The following RBM4 variants were observed in gnomAD, a reference collection of about 807,000 sequenced individuals.
The protein encoded by RBM4 is RNA-binding protein 4.
In RBM4, 7 loss-of-function variants were observed where a neutral mutation model predicts 29.5. That is an observed-to-expected ratio of 0.24 (90% CI 0.14 to 0.45). The LOEUF is 0.45. Ranked by LOEUF, RBM4 falls within the 20% of genes least tolerant of loss-of-function variation. The pLI is 1.00. For missense variants in RBM4, 387 were observed against 502.3 expected (o/e 0.77, Z 2.19); for synonymous variants, 220 against 205.4 (o/e 1.07, Z -0.61).
intron 1 of RBM4, 198 bp from the exon 2 acceptor site, chr11:66,639,502 C>T (rs552916616): frequency 4.4e-6 from 3 of 688,604 alleles, no homozygotes; most frequent in African/African-American, 3.6e-5. Flanking sequence ...CAGACGTCTT[C>T]TTATTCTTAC....
chr11:66,653,839 A>C (rs1030712094), intron 2 of RBM4, among the ~76,000 whole-genome samples: 2 of 146,992 alleles, frequency 1.4e-5, no homozygotes, highest in African/African-American at 5.1e-5. Flanking sequence ...TCTGAGACAG[A>C]GTCCTGCTCT....
At chr11:66,652,436 C>T (rs934103899) in intron 2 of RBM4, 1 of 152,162 alleles carries the variant, frequency 6.6e-6, no homozygotes, top group African/African-American at 2.4e-5. Context: ...TTATGAACAT[C>T]TTATTCAGAA....
intron 2 of RBM4, among the ~76,000 whole-genome samples, chr11:66,653,771 G>T (rs987307683): frequency 6.6e-6 from 1 of 151,600 alleles, no homozygotes; most frequent in Non-Finnish European, 1.5e-5. Flanking sequence ...CTAAGTTTTG[G>T]GAAGTCAAAA....
chr11:66,639,644 T>G, intron 1 of RBM4, 56 bp from the exon 2 acceptor site: 1 of 1,568,304 alleles, frequency 6.4e-7, no homozygotes, highest in African/African-American at 1.4e-5. Flanking sequence ...CGTTGTCTTT[T>G]GTGAACGGAT....
chr11:66,654,894 G>A (rs1022422779), intron 2 of RBM4, among the ~76,000 whole-genome samples: 2 of 151,538 alleles, frequency 1.3e-5, no homozygotes, highest in South Asian at 2.1e-4. Flanking sequence ...GCGCCATTTC[G>A]GCTCACTACA....
In RBM4 at chr11:66,646,270, G is replaced by GC; in HGVS notation, c.*253dup. On this transcript the variant is annotated 3_prime_UTR_variant, in exon 4 of 4. Coordinates refer to ENST00000310092, the MANE Select transcript of RBM4 (RefSeq NM_002896.4). ...TTCCCATTCATGTTCTCTTCTCCCAGCAGGCCTCATTGTGTGCAGAAACTG... is the reference window on the plus strand; with the variant it reads ...TTCCCATTCATGTTCTCTTCTCCCAGCCAGGCCTCATTGTGTGCAGAAACTG... 1 of 1,402,858 alleles carries GC rather than the reference G, an allele frequency of 7.1e-7. No individual in the cohort carries two copies. Among genetic ancestry groups the GC allele is most frequent in the South Asian group, 1.6e-5 (1 of 64,228 alleles). The allele number at this position is 1,402,858 out of a possible 1,614,324, so 86.9% of individuals were successfully genotyped here.
In RBM4 at chr11:66,646,191, C is replaced by G; in HGVS notation, c.*173C>G. The stretch of plus-strand genomic sequence containing the variant: ...TTCAGACCTTCTCTTCCTTTCCTTT[C>G]CTTTCCTCTCCTGCCCATTTTCCTG... On this transcript the variant is annotated 3_prime_UTR_variant, in exon 4 of 4. Coordinates refer to ENST00000310092, the MANE Select transcript of RBM4 (RefSeq NM_002896.4). 1.4e-6 allele frequency: 2 copies of G among 1,476,288 alleles called. No homozygotes were observed. The highest frequency in any genetic ancestry group is 1.8e-6 in the Non-Finnish European group (2 of 1,115,024). 91.4% of individuals were successfully genotyped at this position (1,476,288 alleles called of 1,614,324 possible).
chr11:66,668,309 T>G (rs1252894549), exon 3 of RBM4: 4 of 285,408 alleles, frequency 1.4e-5, no homozygotes, highest in Non-Finnish European at 2.0e-5. Flanking sequence ...ATAACAAATG[T>G]TAGATCTCTC....
Position 66,646,299 on chromosome 11 carries a change from TG to T in RBM4, c.*286del. 7.3e-7 allele frequency: 1 copy of T among 1,363,586 alleles called. No individual in the cohort carries two copies. Among genetic ancestry groups the T allele is most frequent in the Admixed American group, 3.1e-5 (1 of 32,524 alleles). The allele number at this position is 1,363,586 out of a possible 1,614,324, so 84.5% of individuals were successfully genotyped here. ...GCCTCATTGTGTGCAGAAACTGTGGTGGGGGCTGTGCTGTCTCCTCCCTGCC... is the reference window on the plus strand; with the variant it reads ...GCCTCATTGTGTGCAGAAACTGTGGTGGGGCTGTGCTGTCTCCTCCCTGCC... On this transcript the variant is annotated 3_prime_UTR_variant, in exon 4 of 4. Coordinates refer to ENST00000310092, the MANE Select transcript of RBM4 (RefSeq NM_002896.4).
At position 66,640,002 on chromosome 11, in the gene RBM4, G is replaced by A; in HGVS notation, c.291G>A (p.Lys97=). The part of the protein sequence containing the change: ...PTCTNKELRA[K]FEEYGPVIEC... ...GCACCAATAAGGAGCTTCGAGCCAAGTTTGAGGAGTATGGTCCGGTCATCG... is the reference window on the plus strand; with the variant it reads ...GCACCAATAAGGAGCTTCGAGCCAAATTTGAGGAGTATGGTCCGGTCATCG... The change falls in exon 2 of 4, where the codon AAG becomes AAA. Residue 97 remains lysine, a synonymous_variant. Coordinates refer to ENST00000310092, the MANE Select transcript of RBM4 (RefSeq NM_002896.4). The A allele has an allele frequency of 3.1e-6, 5 of 1,614,208 alleles. No homozygotes were observed. Among genetic ancestry groups the A allele is most frequent in the Non-Finnish European group, 4.2e-6 (5 of 1,180,046 alleles).
rs1322274506 is a variant in RBM4, at chr11:66,639,492, C to T, written c.-12-208C>T. The T allele has an allele frequency of 6.2e-6, 4 of 647,294 alleles. No homozygotes were observed. In the African/African-American group the frequency reaches 7.3e-5, roughly 12 times the overall value. 40.1% of individuals were successfully genotyped at this position (647,294 alleles called of 1,614,324 possible). A position where few individuals can be genotyped will look rare whatever the true frequency, so the allele number is the denominator to read the frequency against. ...TTGTCTACTAAGGACCTCCCTATTG[C>T]AGACGTCTTCTTATTCTTACAGGTT... On this transcript the variant is annotated intron_variant, in intron 1 of 3. Transcript: ENST00000310092.
At chr11:66,640,253 T>C in intron 2 of RBM4, 130 bp downstream of exon 2, 2 of 1,241,248 alleles carry the variant, frequency 1.6e-6, no homozygotes, top group Non-Finnish European at 1.1e-6. Context: ...TAAGTGTGGG[T>C]GATGGACTTC....
Position 66,643,687 on chromosome 11 carries a change from C to T in RBM4, c.650C>T (p.Ala217Val), listed in dbSNP as rs754228929. 1.1e-5 allele frequency: 18 copies of T among 1,614,018 alleles called. No homozygotes were observed. The highest frequency in any genetic ancestry group is 4.0e-5 in the African/African-American group (3 of 74,896). The change falls in exon 3 of 4, where the codon GCG becomes GTG. Residue 217 changes from alanine to valine, a missense_variant. Transcript: ENST00000310092. This position sits in a 1 kb window ranked among gnomAD's most constrained non-coding sequence, Gnocchi z 6.1. ...DSLYYNNAYG[A>V]LDAYYKRCRA... ...TTGTATTACAACAACGCGTACGGAG[C>T]GCTCGATGCCTACTACAAGCGCTGC...
intron 2 of RBM4, chr11:66,665,791 G>A: frequency 1.4e-6 from 2 of 1,408,540 alleles, no homozygotes; most frequent in Non-Finnish European, 1.9e-6. Flanking sequence ...ATATATATAG[G>A]ACAAGATGCA....
At chr11:66,640,795 A>C (rs1565079951) in intron 2 of RBM4, 1 of 152,278 alleles carries the variant, frequency 6.6e-6, no homozygotes, top group African/African-American at 2.4e-5. Flanking sequence ...TAGAGCACTT[A>C]GATTTGTGTT....
At chr11:66,664,063 A>G (rs533528896) in intron 2 of RBM4, among the ~76,000 whole-genome samples, 2 of 152,020 alleles carry the variant, frequency 1.3e-5, no homozygotes, top group East Asian at 3.9e-4. Context: ...AATGGAGTGC[A>G]GTGGCATGAT....
Position 66,643,818 on chromosome 11 carries a change from G to T in RBM4, c.781G>T (p.Ala261Ser), listed in dbSNP as rs1420798572. ...QLPQVQNTAM[A>S]SHLTSTSLDP... The stretch of plus-strand genomic sequence containing the variant: ...GCCACAAGTCCAGAATACAGCCATG[G>T]CCAGTCACCTCACCTCCACCTCTCT... The change falls in exon 3 of 4, where the codon GCC becomes TCC. Residue 261 changes from alanine (A) to serine (S), a missense_variant. Ala to Ser is a moderately conservative substitution (Grantham distance 99). Transcript: ENST00000310092. This position sits in a 1 kb window ranked among gnomAD's most constrained non-coding sequence, Gnocchi z 6.1. 2 of 1,613,902 alleles carry T rather than the reference G, an allele frequency of 1.2e-6. No homozygotes were observed. Among genetic ancestry groups the T allele is most frequent in the East Asian group, 2.2e-5 (1 of 44,856 alleles).
chr11:66,641,941 T>C (rs1006958270), intron 2 of RBM4, among the ~76,000 whole-genome samples: 1 of 152,234 alleles, frequency 6.6e-6, no homozygotes, highest in African/African-American at 2.4e-5. Context: ...TTAAGGCGTT[T>C]ATTAATGATC....
At chr11:66,651,371 G>T (rs1189158528), downstream of RBM4, among the ~76,000 whole-genome samples, 1 of 149,044 alleles carries the variant, frequency 6.7e-6, no homozygotes, top group Admixed American at 6.7e-5. Flanking sequence ...TTTTTGAGGC[G>T]GAGTCTTGCT....
Sources: gnomAD v4.1 joint callset for allele counts (sites outside exome capture counted in the v4.1 genomes callset) on GRCh38, gnomAD v4.1.1 for gene constraint, Gnocchi (gnomAD v3.1) non-coding constraint, MANE v1.5 for transcripts, NCBI Gene and HGNC (gene_info 2026-07-23, HGNC 2026-07-21) for gene names.